The following H1-10 variants were observed in gnomAD, a reference collection of about 807,000 sequenced individuals.
H1-10 encodes histone H1.10.
For missense variants in H1-10, 307 were observed against 297.9 expected (o/e 1.03, Z -0.22); for synonymous variants, 191 against 140.9 (o/e 1.36, Z -2.52).
chr3:129,315,944 G>A lies in H1-10; in HGVS notation c.-42C>T, dbSNP rs755085596. ...GTGGCGGGCGGCGCGCGGAAGCCGG[G>A]GGGCCGCGCCGGGAAGAGGAAGGCG... On this transcript the variant is annotated 5_prime_UTR_variant, in exon 1 of 1. Coordinates refer to ENST00000333762, the MANE Select transcript of H1-10 (RefSeq NM_006026.4). The A allele has an allele frequency of 6.7e-7, 1 of 1,499,856 alleles. No individual in the cohort carries two copies. Among genetic ancestry groups the A allele is most frequent in the Middle Eastern group, 2.0e-4 (1 of 4,918 alleles). The allele number at this position is 1,499,856 out of a possible 1,614,324, so 92.9% of individuals were successfully genotyped here.
In H1-10 at chr3:129,315,833, CCTTGGTCACCTT is replaced by C; in HGVS notation, c.58_69del (p.Lys20_Lys23del). 6.2e-7 allele frequency: 1 copy of C among 1,603,148 alleles called. No individual in the cohort carries two copies. The highest frequency in any genetic ancestry group is 8.5e-7 in the Non-Finnish European group (1 of 1,175,430). On this transcript the variant is annotated inframe_deletion, in exon 1 of 1. Transcript: ENST00000333762. ...GGGGACAACGCCGCCGAGCCGCCAGCCTTGGTCACCTTCTTGGCCATTCCCTCGGCGGTCGTC... is the reference window on the plus strand; with the variant it reads ...GGGGACAACGCCGCCGAGCCGCCAGCCTTGGCCATTCCCTCGGCGGTCGTC...
chr3:129,315,552 G>A lies in H1-10; in HGVS notation c.351C>T (p.Asn117=), dbSNP rs1281530783. The change falls in exon 1 of 1, where the codon AAC becomes AAT. Residue 117 remains asparagine (N), a synonymous_variant. Transcript: ENST00000333762. ...CCCCGCCGCCCTCCAGCTTCTTGCG[G>A]TTGAGCTTGAAGGAACCGTTGGCGC... ...GTGANGSFKL[N]RKKLEGGGER... is the part of the protein sequence containing the mutation. 1 of 1,547,190 alleles carries A rather than the reference G, an allele frequency of 6.5e-7. No homozygotes were observed. Among genetic ancestry groups the A allele is most frequent in the African/African-American group, 1.4e-5 (1 of 73,158 alleles).
Position 129,315,866 on chromosome 3 carries a change from T to G in H1-10, c.37A>C (p.Thr13Pro), listed in dbSNP as rs2107706615. Residue 13 changes from threonine to proline, a missense_variant, in exon 1 of 1, where the codon ACC (threonine) becomes CCC (proline). Coordinates refer to ENST00000333762, the MANE Select transcript of H1-10 (RefSeq NM_006026.4). Reference sequence around the variant, plus strand: ...ACCTTCTTGGCCATTCCCTCGGCGGTCGTCACTGGCAGGGCCTCCTCGAGC... The same window carrying G: ...ACCTTCTTGGCCATTCCCTCGGCGGGCGTCACTGGCAGGGCCTCCTCGAGC... ...VELEEALPVT[T>P]AEGMAKKVTK... The G allele has an allele frequency of 1.3e-6, 2 of 1,597,706 alleles. 1 individual carries two copies. The highest frequency in any genetic ancestry group is 2.3e-5 in the South Asian group (2 of 88,454).
In H1-10 at chr3:129,315,190, C is replaced by A; in HGVS notation, c.*71G>T. On this transcript the variant is annotated 3_prime_UTR_variant, in exon 1 of 1. Transcript: ENST00000333762. ...CCGGCCGGCGTGAGCCGTACAAAAT[C>A]TACGTCACTTGGGGTAGAAAAACAA... is the stretch of plus-strand genomic sequence containing the variant. 8.0e-7 allele frequency: 1 copy of A among 1,248,630 alleles called. No homozygotes were observed. Among genetic ancestry groups the A allele is most frequent in the Non-Finnish European group, 1.0e-6 (1 of 990,678 alleles). The allele number at this position is 1,248,630 out of a possible 1,614,324, so 77.3% of individuals were successfully genotyped here.
rs988022572 is a variant in H1-10 at position 129,315,507 on chromosome 3, C to A, written c.396G>T (p.Ala132=). 69 of 1,532,090 alleles carry A rather than the reference C, an allele frequency of 4.5e-5. No individual in the cohort carries two copies. Among genetic ancestry groups the A allele is most frequent in the Non-Finnish European group, 5.5e-5 (63 of 1,143,184 alleles). The allele number at this position is 1,532,090 out of a possible 1,614,324, so 94.9% of individuals were successfully genotyped here. A position where few individuals can be genotyped will look rare whatever the true frequency, so the allele number is the denominator to read the frequency against. ...EGGGERRGAP[A]AATAPAPTAH... is the part of the protein sequence containing the mutation. ...CGGTGGGGGCCGGGGCGGTGGCGGC[C>A]GCCGGGGCTCCGCGCCGCTCCCCGC... The change falls in exon 1 of 1, where the codon GCG becomes GCT. Residue 132 remains alanine, a synonymous_variant. Transcript: ENST00000333762.
At position 129,315,268 on chromosome 3, in the gene H1-10, C is replaced by A. The variant is rs763375835; in HGVS notation, c.635G>T (p.Arg212Leu). The A allele has an allele frequency of 2.1e-6, 3 of 1,411,506 alleles. No homozygotes were observed. Among genetic ancestry groups the A allele is most frequent in the Admixed American group, 2.7e-5 (1 of 37,594 alleles). 87.4% of individuals were successfully genotyped at this position (1,411,506 alleles called of 1,614,324 possible). A position where few individuals can be genotyped will look rare whatever the true frequency, so the allele number is the denominator to read the frequency against. ...KPSVPKVPKG[R>L]K ...TCTGACCGGCCGACACGCTCACTTG[C>A]GGCCCTTGGGCACTTTGGGGACGCT... The change falls in exon 1 of 1, where the codon CGC becomes CTC. Residue 212 changes from arginine to leucine, a missense_variant. Arg to Leu is a moderately radical substitution (Grantham distance 102, BLOSUM62 -2). Transcript: ENST00000333762.
rs574875989 is a variant in H1-10 at position 129,315,040 on chromosome 3, G to C, written c.*221C>G. 9.9e-4 allele frequency: 372 copies of C among 373,870 alleles called. No homozygotes were observed. Among genetic ancestry groups the C allele is most frequent in the Non-Finnish European group, 1.4e-3 (302 of 214,068 alleles). 23.2% of individuals were successfully genotyped at this position (373,870 alleles called of 1,614,324 possible). A position where few individuals can be genotyped will look rare whatever the true frequency, so the allele number is the denominator to read the frequency against. On this transcript the variant is annotated 3_prime_UTR_variant, in exon 1 of 1. Coordinates refer to ENST00000333762, the MANE Select transcript of H1-10 (RefSeq NM_006026.4). Reference sequence around the variant, plus strand: ...CCGTTGCCAAGGCCGAGAGCCAATAGAGGCGTCGCCGGGGCTGTTTCAAAA... The same window carrying C: ...CCGTTGCCAAGGCCGAGAGCCAATACAGGCGTCGCCGGGGCTGTTTCAAAA...
chr3:129,315,322 C>T lies in H1-10; in HGVS notation c.581G>A (p.Gly194Asp), dbSNP rs527722195. ...GKAKKTAAAG[G>D]KKVKKAAKPS... ...CTTGGCCGCCTTCTTCACCTTCTTG[C>T]CCCCGGCGGCCGCCGTCTTCTTGGC... The change falls in exon 1 of 1, where the codon GGC becomes GAC. Residue 194 changes from glycine (G) to aspartate (D), a missense_variant. Gly to Asp is a moderately conservative substitution (Grantham distance 94, BLOSUM62 -1). Transcript: ENST00000333762. 2 of 1,509,962 alleles carry T rather than the reference C, an allele frequency of 1.3e-6. No individual in the cohort carries two copies. Among genetic ancestry groups the T allele is most frequent in the South Asian group, 2.5e-5 (2 of 79,702 alleles). The allele number at this position is 1,509,962 out of a possible 1,614,324, so 93.5% of individuals were successfully genotyped here.
rs1431764955 is a variant in H1-10, at chr3:129,315,514, G to T, written c.389C>A (p.Ala130Asp). The T allele has an allele frequency of 3.2e-5, 49 of 1,535,702 alleles. No individual in the cohort carries two copies. The highest frequency in any genetic ancestry group is 4.2e-5 in the Non-Finnish European group (48 of 1,144,628). Residue 130 changes from alanine to aspartate, a missense_variant, in exon 1 of 1, where the codon GCC becomes GAC. Ala to Asp is a moderately radical substitution (Grantham distance 126). Transcript: ENST00000333762. ...GGCCGGGGCGGTGGCGGCCGCCGGG[G>T]CTCCGCGCCGCTCCCCGCCGCCCTC... ...KLEGGGERRG[A>D]PAAATAPAPT...
In H1-10 at chr3:129,315,348, C is replaced by A; in HGVS notation, c.555G>T (p.Lys185Asn). 1 of 1,541,810 alleles carries A rather than the reference C, an allele frequency of 6.5e-7. No homozygotes were observed. The highest frequency in any genetic ancestry group is 8.7e-7 in the Non-Finnish European group (1 of 1,149,444). Residue 185 changes from lysine (K) to asparagine (N), a missense_variant, in exon 1 of 1, where the codon AAG becomes AAT. Coordinates refer to ENST00000333762, the MANE Select transcript of H1-10 (RefSeq NM_006026.4). ...CCCCGGCGGCCGCCGTCTTCTTGGC[C>A]TTGCCGCCTTTGTCCTTCTTGGCGC... is the stretch of plus-strand genomic sequence containing the variant. Reference protein sequence around the residue: ...GAGAKKDKGGKAKKTAAAGGK... With the variant: ...GAGAKKDKGGNAKKTAAAGGK...
chr3:129,315,184 C>G lies in H1-10; in HGVS notation c.*77G>C, dbSNP rs936962573. On this transcript the variant is annotated 3_prime_UTR_variant, in exon 1 of 1. Coordinates refer to ENST00000333762, the MANE Select transcript of H1-10 (RefSeq NM_006026.4). ...GCGGCCCCGGCCGGCGTGAGCCGTACAAAATCTACGTCACTTGGGGTAGAA... is the reference window on the plus strand; with the variant it reads ...GCGGCCCCGGCCGGCGTGAGCCGTAGAAAATCTACGTCACTTGGGGTAGAA... 4.8e-5 allele frequency: 59 copies of G among 1,236,210 alleles called. No homozygotes were observed. Among genetic ancestry groups the G allele is most frequent in the Middle Eastern group, 6.1e-4 (2 of 3,266 alleles). 76.6% of individuals were successfully genotyped at this position (1,236,210 alleles called of 1,614,324 possible). A position where few individuals can be genotyped will look rare whatever the true frequency, so the allele number is the denominator to read the frequency against.
Position 129,315,492 on chromosome 3 carries a change from C to CGGGGCG in H1-10, c.405_410dup (p.Ala138_Pro139dup). On this transcript the variant is annotated inframe_insertion, in exon 1 of 1. Transcript: ENST00000333762. ...TCTTCGCTTTGTGCGCGGTGGGGGC[C>CGGGGCG]GGGGCGGTGGCGGCCGCCGGGGCTC... The CGGGGCG allele has an allele frequency of 1.3e-6, 2 of 1,527,736 alleles. No individual in the cohort carries two copies. The highest frequency in any genetic ancestry group is 1.2e-5 in the South Asian group (1 of 82,984). The allele number at this position is 1,527,736 out of a possible 1,614,324, so 94.6% of individuals were successfully genotyped here. A position where few individuals can be genotyped will look rare whatever the true frequency, so the allele number is the denominator to read the frequency against.
chr3:129,315,081 CG>C lies in H1-10; in HGVS notation c.*179del, dbSNP rs1433322003. On this transcript the variant is annotated 3_prime_UTR_variant, in exon 1 of 1. Coordinates refer to ENST00000333762, the MANE Select transcript of H1-10 (RefSeq NM_006026.4). ...TGTTTCAAAAACCTAAAGCAAACAA[CG>C]AAAAACGCTACATCGTTGGGGGAGG... is the stretch of plus-strand genomic sequence containing the variant. 2 of 455,988 alleles carry C rather than the reference CG, an allele frequency of 4.4e-6. No homozygotes were observed. Among genetic ancestry groups the C allele is most frequent in the Admixed American group, 8.8e-5 (2 of 22,624 alleles). 28.2% of individuals were successfully genotyped at this position (455,988 alleles called of 1,614,324 possible). A position where few individuals can be genotyped will look rare whatever the true frequency, so the allele number is the denominator to read the frequency against.
At position 129,315,689 on chromosome 3, in the gene H1-10, T is replaced by G. The variant is rs199647673; in HGVS notation, c.214A>C (p.Thr72Pro). The G allele has an allele frequency of 6.3e-7, 1 of 1,586,424 alleles. No individual in the cohort carries two copies. The highest frequency in any genetic ancestry group is 1.2e-5 in the South Asian group (1 of 86,544). Residue 72 changes from threonine (T) to proline (P), a missense_variant, in exon 1 of 1, where the codon ACC becomes CCC. Thr to Pro is a conservative substitution (Grantham distance 38). Transcript: ENST00000333762. The stretch of plus-strand genomic sequence containing the variant: ...AACCACGGAACCTTCTTGGCCTCGG[T>G]GTAGATCTTGGCCAGCGACGAGCCG... ...RNGSSLAKIY[T>P]EAKKVPWFDQ...
Position 129,315,957 on chromosome 3 carries a change from G to A in H1-10, c.-55C>T. 4.9e-6 allele frequency: 5 copies of A among 1,016,292 alleles called. No individual in the cohort carries two copies. In the South Asian group the frequency reaches 6.1e-5, roughly 12 times the overall value. The allele number at this position is 1,016,292 out of a possible 1,614,324, so 63.0% of individuals were successfully genotyped here. A position where few individuals can be genotyped will look rare whatever the true frequency, so the allele number is the denominator to read the frequency against. The stretch of plus-strand genomic sequence containing the variant: ...CGCGGAAGCCGGGGGGCCGCGCCGG[G>A]AAGAGGAAGGCGAGGGGCCGAGGGG... On this transcript the variant is annotated 5_prime_UTR_variant, in exon 1 of 1. Coordinates refer to ENST00000333762, the MANE Select transcript of H1-10 (RefSeq NM_006026.4).
chr3:129,316,065 G>C lies in H1-10; in HGVS notation c.-163C>G, dbSNP rs1175364394. 1 of 162,852 alleles carries C rather than the reference G, an allele frequency of 6.1e-6. No individual in the cohort carries two copies. The highest frequency in any genetic ancestry group is 2.4e-5 in the African/African-American group (1 of 40,914). The allele number at this position is 162,852 out of a possible 1,614,324, so 10.1% of individuals were successfully genotyped here. On this transcript the variant is annotated 5_prime_UTR_variant, in exon 1 of 1. Coordinates refer to ENST00000333762, the MANE Select transcript of H1-10 (RefSeq NM_006026.4). Reference sequence around the variant, plus strand: ...TGGGGCCGGGCGGCAGGGCTGGGGTGGGGGCCGGGCCGGGCCGGAGCGAGG... The same window carrying C: ...TGGGGCCGGGCGGCAGGGCTGGGGTCGGGGCCGGGCCGGGCCGGAGCGAGG...
In H1-10 at chr3:129,315,314, CCTT is replaced by C. The variant is rs767853675; in HGVS notation, c.586_588del (p.Lys196del). 1.7e-5 allele frequency: 26 copies of C among 1,500,684 alleles called. No individual in the cohort carries two copies. The highest frequency in any genetic ancestry group is 2.2e-5 in the Non-Finnish European group (25 of 1,128,106). The allele number at this position is 1,500,684 out of a possible 1,614,324, so 93.0% of individuals were successfully genotyped here. On this transcript the variant is annotated inframe_deletion, in exon 1 of 1. Transcript: ENST00000333762. ...ACGCTGGGCTTGGCCGCCTTCTTCA[CCTT>C]CTTGCCCCCGGCGGCCGCCGTCTTC...
rs766706789 is a variant in H1-10 at position 129,315,924 on chromosome 3, G to C, written c.-22C>G. 6.5e-7 allele frequency: 1 copy of C among 1,541,728 alleles called. No individual in the cohort carries two copies. Among genetic ancestry groups the C allele is most frequent in the South Asian group, 1.2e-5 (1 of 83,398 alleles). Reference sequence around the variant, plus strand: ...ACATGGTAGCAAGAGGATTGGTGGCGGGCGGCGCGCGGAAGCCGGGGGGCC... The same window carrying C: ...ACATGGTAGCAAGAGGATTGGTGGCCGGCGGCGCGCGGAAGCCGGGGGGCC... On this transcript the variant is annotated 5_prime_UTR_variant, in exon 1 of 1. Coordinates refer to ENST00000333762, the MANE Select transcript of H1-10 (RefSeq NM_006026.4).
chr3:129,315,861 G>C lies in H1-10; in HGVS notation c.42C>G (p.Ala14=). The C allele has an allele frequency of 6.3e-7, 1 of 1,598,754 alleles. No individual in the cohort carries two copies. Among genetic ancestry groups the C allele is most frequent in the Non-Finnish European group, 8.5e-7 (1 of 1,173,228 alleles). ...ELEEALPVTT[A]EGMAKKVTKA... is the part of the protein sequence containing the mutation. ...TGGTCACCTTCTTGGCCATTCCCTC[G>C]GCGGTCGTCACTGGCAGGGCCTCCT... The change falls in exon 1 of 1, where the codon GCC becomes GCG. Residue 14 remains alanine, a synonymous_variant. Transcript: ENST00000333762.
Sources: allele counts gnomAD v4.1 joint callset, GRCh38; gene constraint gnomAD v4.1.1; transcripts MANE v1.5; gene names NCBI Gene and HGNC (gene_info 2026-07-23, HGNC 2026-07-21).